GRM5: variants seen among roughly 807,000 people sequenced by gnomAD.
The protein encoded by GRM5 is metabotropic glutamate receptor 5.
A neutral mutation model predicts 83.1 loss-of-function variants in GRM5; 19 were observed. That is an observed-to-expected ratio of 0.23 (90% CI 0.16 to 0.34). GRM5 has a LOEUF of 0.34. Ranked by LOEUF, GRM5 falls within the 10% of genes least tolerant of loss-of-function variation. GRM5 has a pLI of 1.00. For missense variants in GRM5, 1,160 were observed against 1,588.3 expected (o/e 0.73, Z 4.58); for synonymous variants, 675 against 633.6 (o/e 1.07, Z -0.98).
At position 88,949,966 on chromosome 11, in the gene GRM5, G is replaced by C. The variant is rs143968102; in HGVS notation, c.661+97246C>G. Among the ~76,000 whole-genome samples, 1,306 of 152,164 alleles carry C rather than the reference G, an allele frequency of 8.6e-3. 18 individuals carry two copies. The highest frequency in any genetic ancestry group is 0.029 in the African/African-American group (1,186 of 41,520). ...TGCAACCTCTGGCTCCTGGGCTCAA[G>C]TGATTATCCTGCCTCAACCTCCCGA... On this transcript the variant is annotated intron_variant, in intron 2 of 9. Coordinates refer to ENST00000305447, the MANE Select transcript of GRM5 (RefSeq NM_001143831.3).
chr11:88,748,300 A>G (rs1159702044), intron 3 of GRM5, among the ~76,000 whole-genome samples: 1 of 152,128 alleles, frequency 6.6e-6, no homozygotes, highest in Non-Finnish European at 1.5e-5. Context: ...AAAGCCAACC[A>G]TAGCTATACC....
At chr11:88,559,317 T>A (rs979702719) in intron 8 of GRM5, among the ~76,000 whole-genome samples, 1 of 152,152 alleles carries the variant, frequency 6.6e-6, no homozygotes, top group Non-Finnish European at 1.5e-5. Context: ...TCTCAGTTTT[T>A]CCTCAGTTAG....
intron 2 of GRM5, among the ~76,000 whole-genome samples, chr11:88,892,343 T>C (rs1161653887): frequency 6.6e-6 from 1 of 151,972 alleles, no homozygotes; most frequent in East Asian, 1.9e-4. Context: ...TCTTAATCTG[T>C]AGTCAGTAAA....
intron 3 of GRM5, among the ~76,000 whole-genome samples, chr11:88,753,215 A>G (rs1232019503): frequency 6.6e-6 from 1 of 152,106 alleles, no homozygotes; most frequent in Non-Finnish European, 1.5e-5. Flanking sequence ...TCTGACAAAA[A>G]TCTTATATCC....
chr11:88,951,970 T>G (rs1264887301), intron 2 of GRM5, among the ~76,000 whole-genome samples: 1 of 152,202 alleles, frequency 6.6e-6, no homozygotes, highest in Non-Finnish European at 1.5e-5. Context: ...CTGTTTTGTT[T>G]ATGATACAAA....
intron 3 of GRM5, among the ~76,000 whole-genome samples, chr11:88,769,599 C>G (rs914241982): frequency 6.6e-6 from 1 of 151,906 alleles, no homozygotes; most frequent in African/African-American, 2.4e-5. Context: ...ATAACAGCAA[C>G]AGCAAGAACA....
chr11:88,991,646 T>C (rs1363996374), intron 2 of GRM5, among the ~76,000 whole-genome samples: 2 of 150,398 alleles, frequency 1.3e-5, no homozygotes, highest in African/African-American at 2.4e-5. Flanking sequence ...AACAGCATGG[T>C]ACTGGTACCA....
At chr11:88,607,207 C>T (rs536350335) in intron 4 of GRM5, among the ~76,000 whole-genome samples, 32 of 152,190 alleles carry the variant, frequency 2.1e-4, no homozygotes, top group African/African-American at 7.2e-4. Flanking sequence ...CTTACAATTT[C>T]CTTCCCCACA....
At chr11:88,564,992 A>T (rs1370558619) in intron 8 of GRM5, among the ~76,000 whole-genome samples, 1 of 152,146 alleles carries the variant, frequency 6.6e-6, no homozygotes, top group East Asian at 1.9e-4. Flanking sequence ...AAGAAGACTG[A>T]CAATGGTTAA....
rs188365689 is a variant in GRM5 at position 88,634,941 on chromosome 11, A to G, written c.1147+18227T>C. On this transcript the variant is annotated intron_variant, in intron 4 of 9. Transcript: ENST00000305447. ...TATAATGTGATGAGACCATTGTTGT[A>G]TATGTGGACCATCGTTTACTGAATC... 4.1e-4 allele frequency among the ~76,000 whole-genome samples: 62 copies of G among 152,276 alleles called. No individual in the cohort carries two copies. The Middle Eastern group carries it at 0.014, about 33-fold the overall frequency.
chr11:88,907,616 A>G (rs754840568), intron 2 of GRM5, among the ~76,000 whole-genome samples: 8 of 152,144 alleles, frequency 5.3e-5, no homozygotes, highest in Non-Finnish European at 8.8e-5. Flanking sequence ...TACATGGAAC[A>G]TTTGTTTAGG....
At chr11:89,007,584 A>G (rs970181991) in intron 2 of GRM5, among the ~76,000 whole-genome samples, 3 of 152,218 alleles carry the variant, frequency 2.0e-5, no homozygotes, top group African/African-American at 7.2e-5. Flanking sequence ...AAGAGACTAG[A>G]TAGGTAATAA....
intron 3 of GRM5, among the ~76,000 whole-genome samples, chr11:88,811,610 G>A (rs1259921099): frequency 6.6e-6 from 1 of 152,056 alleles, no homozygotes; most frequent in East Asian, 1.9e-4. Flanking sequence ...AATGAAAGTA[G>A]AATGAATTCT....
chr11:88,509,906 T>C (rs895564605), intron 9 of GRM5, among the ~76,000 whole-genome samples: 1 of 152,062 alleles, frequency 6.6e-6, no homozygotes, highest in Non-Finnish European at 1.5e-5. Context: ...CTAGAGTTAG[T>C]GGCCTCTGAA....
chr11:89,033,190 C>T (rs1941303456), intron 2 of GRM5, among the ~76,000 whole-genome samples: 1 of 151,992 alleles, frequency 6.6e-6, no homozygotes, highest in South Asian at 2.1e-4. Flanking sequence ...AGTGCAGGTA[C>T]AGCCATCTGT....
intron 3 of GRM5, among the ~76,000 whole-genome samples, chr11:88,731,267 G>GTGTT (rs1258345774): frequency 6.6e-6 from 1 of 152,018 alleles, no homozygotes; most frequent in Non-Finnish European, 1.5e-5. Flanking sequence ...CTCTAGTAAT[G>GTGTT]TTAAACTGCT....
intron 3 of GRM5, among the ~76,000 whole-genome samples, chr11:88,813,691 C>G (rs1019862159): frequency 6.6e-5 from 10 of 152,064 alleles, no homozygotes; most frequent in African/African-American, 2.4e-4. Flanking sequence ...TTGTACTGAT[C>G]CATAGTATCT....
At chr11:88,599,364 G>C (rs10501671) in intron 5 of GRM5, among the ~76,000 whole-genome samples, 130,885 of 152,150 alleles carry the variant, frequency 0.86, 57,086 homozygotes, top group Non-Finnish European at 0.94. Context: ...TTGGAATTAG[G>C]CTTTAGATTT....
At chr11:89,012,024 T>C (rs1267654729) in intron 2 of GRM5, among the ~76,000 whole-genome samples, 2 of 151,926 alleles carry the variant, frequency 1.3e-5, no homozygotes, top group Admixed American at 1.3e-4. Context: ...CTGATAGCAA[T>C]AATGCATAGG....
Sources: allele counts gnomAD v4.1 joint callset (sites outside exome capture counted in the v4.1 genomes callset), GRCh38; gene constraint gnomAD v4.1.1; transcripts MANE v1.5; gene names NCBI Gene and HGNC (gene_info 2026-07-23, HGNC 2026-07-21).